TTC12: variants seen among roughly 807,000 people sequenced by gnomAD.
TTC12 encodes tetratricopeptide repeat domain 12, also known as tetratricopeptide repeat protein 12.
In TTC12, 70 loss-of-function variants were observed where a neutral mutation model predicts 90.1. The ratio of observed to expected loss-of-function variants is 0.78; its 90% confidence interval spans 0.64 to 0.95. The LOEUF (loss-of-function observed/expected upper bound fraction) is 0.95. Ranked by LOEUF, TTC12 falls within the 40% of genes least tolerant of loss-of-function variation. The pLI is 0.00. For missense variants in TTC12, 819 were observed against 846.1 expected (o/e 0.97, Z 0.40); for synonymous variants, 296 against 311.5 (o/e 0.95, Z 0.53).
intron 8 of TTC12, 83 bp downstream of exon 8, chr11:113,335,120 C>T: frequency 1.0e-6 from 1 of 1,000,310 alleles, no homozygotes; most frequent in African/African-American, 1.6e-5. Context: ...CATGATTCTC[C>T]AAGCTGATTA....
intron 6 of TTC12, among the ~76,000 whole-genome samples, chr11:113,326,772 A>G (rs1264658195): frequency 6.6e-6 from 1 of 152,242 alleles, no homozygotes; most frequent in Non-Finnish European, 1.5e-5. Context: ...TTGATTTAGC[A>G]GTACATTGCA....
rs1273376734 is a variant in TTC12 at position 113,324,241 on chromosome 11, C to A, written c.244+226C>A. The A allele has an allele frequency of 2.9e-5, 16 of 550,188 alleles. No homozygotes were observed. The African/African-American group carries it at 3.1e-4, about 11-fold the overall frequency. 34.1% of individuals were successfully genotyped at this position (550,188 alleles called of 1,614,324 possible). A position where few individuals can be genotyped will look rare whatever the true frequency, so the allele number is the denominator to read the frequency against. ...CTTTTGTAAACTCAATTCAGTTATT[C>A]TGTATCATCCAATTTACCCTGTTCA... On this transcript the variant is annotated intron_variant, in intron 4 of 21. Coordinates refer to ENST00000529221, the MANE Select transcript of TTC12 (RefSeq NM_017868.4).
At chr11:113,324,703 T>A (rs1947577439) in intron 5 of TTC12, 21 bp downstream of exon 5, 1 of 1,603,886 alleles carries the variant, frequency 6.2e-7, no homozygotes, top group African/African-American at 1.3e-5. Context: ...GTCCTTACTT[T>A]TCAATGGCTG....
At chr11:113,348,819 C>A (rs1378252182) in intron 13 of TTC12, among the ~76,000 whole-genome samples, 1 of 152,240 alleles carries the variant, frequency 6.6e-6, no homozygotes, top group Admixed American at 6.5e-5. Context: ...TACAGACTTT[C>A]CAGCAGGCCC....
In TTC12 at chr11:113,362,783, C is replaced by G. The variant is rs530291695; in HGVS notation, c.1716+281C>G. On this transcript the variant is annotated intron_variant, in intron 19 of 21. Transcript: ENST00000529221. ...GACTTAAAAATATATGGCCACTGTT[C>G]TTGATAAAAATGATCTGAGTGGCTT... Among the ~76,000 whole-genome samples, 3 of 152,314 alleles carry G rather than the reference C, an allele frequency of 2.0e-5. No individual in the cohort carries two copies. The East Asian group carries it at 5.8e-4, about 29-fold the overall frequency.
At chr11:113,353,081 C>T (rs879976062) in intron 16 of TTC12, among the ~76,000 whole-genome samples, 7 of 152,142 alleles carry the variant, frequency 4.6e-5, no homozygotes, top group East Asian at 1.9e-4. Flanking sequence ...CTTCACACTC[C>T]GACCAACAGT....
At chr11:113,365,929 A>G (rs1256957590) in intron 21 of TTC12, among the ~76,000 whole-genome samples, 1 of 152,216 alleles carries the variant, frequency 6.6e-6, no homozygotes, top group Non-Finnish European at 1.5e-5. Flanking sequence ...ATTAGCTAGG[A>G]TGACTTCAAA....
downstream of TTC12, among the ~76,000 whole-genome samples, chr11:113,367,971 A>C (rs1950267669): frequency 6.6e-6 from 1 of 152,222 alleles, no homozygotes; most frequent in African/African-American, 2.4e-5. Context: ...TAGAGGGTGC[A>C]AAAGTTGCTG....
chr11:113,326,803 A>G (rs996569423), intron 6 of TTC12, among the ~76,000 whole-genome samples: 4 of 152,208 alleles, frequency 2.6e-5, no homozygotes, highest in South Asian at 2.1e-4. Context: ...AAGATTATAA[A>G]CTTTTTGAGG....
rs572157365 is a variant in TTC12 at position 113,339,807 on chromosome 11, A to G, written c.826+333A>G. ...TATATCCTTGTATTACACACACACC[A>G]CATACCACACACAGCACACTCACAC... On this transcript the variant is annotated intron_variant, in intron 10 of 21. Coordinates refer to ENST00000529221, the MANE Select transcript of TTC12 (RefSeq NM_017868.4). Among the ~76,000 whole-genome samples, 21 of 152,010 alleles carry G rather than the reference A, an allele frequency of 1.4e-4. 1 individual carries two copies. In the South Asian group the frequency reaches 3.9e-3, roughly 29 times the overall value.
intron 2 of TTC12, among the ~76,000 whole-genome samples, chr11:113,317,679 T>A (rs1338351307): frequency 6.6e-6 from 1 of 152,124 alleles, no homozygotes; most frequent in African/African-American, 2.4e-5. Flanking sequence ...GACCTTGTCC[T>A]TACCTCTCTC....
Position 113,324,669 on chromosome 11 carries a change from A to G in TTC12, c.309A>G (p.Lys103=), listed in dbSNP as rs781925469. ...KERAKRRREN[K]VLADALKEKG... ...GAGCCAAGAGAAGAAGGGAAAACAAAGTCTTGGCGGATGGTAATTGTCAGT... is the reference window on the plus strand; with the variant it reads ...GAGCCAAGAGAAGAAGGGAAAACAAGGTCTTGGCGGATGGTAATTGTCAGT... Residue 103 remains lysine, a synonymous_variant, in exon 5 of 22, where the codon AAA becomes AAG. Coordinates refer to ENST00000529221, the MANE Select transcript of TTC12 (RefSeq NM_017868.4). 2 of 1,613,856 alleles carry G rather than the reference A, an allele frequency of 1.2e-6. No individual in the cohort carries two copies. The highest frequency in any genetic ancestry group is 4.5e-5 in the East Asian group (2 of 44,866).
intron 1 of TTC12, 154 bp from the exon 2 acceptor site, chr11:113,316,089 G>A (rs1420670212): frequency 4.9e-6 from 2 of 405,242 alleles, no homozygotes; most frequent in African/African-American, 4.1e-5. Flanking sequence ...ACAGCAGTTG[G>A]AATGAAAGGG....
At chr11:113,329,877 A>T in intron 6 of TTC12, 43 bp from the exon 7 acceptor site, 1 of 1,539,614 alleles carries the variant, frequency 6.5e-7, no homozygotes, top group South Asian at 1.1e-5. Flanking sequence ...AAACTGCCTG[A>T]TGCAGAATTG....
chr11:113,361,898 C>G (rs1949950544), intron 18 of TTC12, among the ~76,000 whole-genome samples: 2 of 149,620 alleles, frequency 1.3e-5, no homozygotes, highest in African/African-American at 4.9e-5. Flanking sequence ...CATTTGTATC[C>G]TGAGAAAGAT....
At chr11:113,367,646 A>C (rs1014856318), downstream of TTC12, among the ~76,000 whole-genome samples, 3 of 152,230 alleles carry the variant, frequency 2.0e-5, no homozygotes, top group Non-Finnish European at 4.4e-5. Flanking sequence ...AGTGTTCTTC[A>C]CAGGTAAGGC....
At chr11:113,326,829 T>G (rs536203432) in intron 6 of TTC12, among the ~76,000 whole-genome samples, 3 of 152,238 alleles carry the variant, frequency 2.0e-5, no homozygotes, top group Admixed American at 6.5e-5. Context: ...AACTGCCATA[T>G]ACTTTTTCCC....
At chr11:113,347,659 T>G (rs950273671) in intron 13 of TTC12, among the ~76,000 whole-genome samples, 18 of 152,210 alleles carry the variant, frequency 1.2e-4, no homozygotes, top group African/African-American at 4.1e-4. Flanking sequence ...TCCAGTACTT[T>G]AGATATCTGA....
At chr11:113,368,684 G>A, downstream of TTC12, 1 of 627,720 alleles carries the variant, frequency 1.6e-6, no homozygotes, top group South Asian at 1.9e-5. Context: ...GGAAACAATA[G>A]GAAGGGGCTG....
Sources: gnomAD v4.1 joint callset for allele counts (sites outside exome capture counted in the v4.1 genomes callset) on GRCh38, gnomAD v4.1.1 for gene constraint, MANE v1.5 for transcripts, NCBI Gene and HGNC (gene_info 2026-07-23, HGNC 2026-07-21) for gene names.